The following PCDH7 variants were observed in gnomAD, a reference collection of about 807,000 sequenced individuals.
The protein encoded by PCDH7 is protocadherin-7.
Under a neutral mutation model 58.9 loss-of-function variants are expected in PCDH7, and 17 were observed. The ratio of observed to expected loss-of-function variants is 0.29; its 90% CI spans 0.20 to 0.43. The LOEUF (loss-of-function observed/expected upper bound fraction) is 0.43, where lower values mean the gene tolerates loss of function less well. Ranked by LOEUF, PCDH7 falls within the 20% of genes least tolerant of loss-of-function variation. The pLI, the probability that PCDH7 is intolerant of heterozygous loss-of-function variation, is 1.00. For synonymous variants in PCDH7, 664 were observed against 616.4 expected, an observed-to-expected ratio of 1.08 and a Z score of -1.14; for missense variants, 1,274 against 1,441.0, an observed-to-expected ratio of 0.88 and a Z score of 1.88.
At chr4:31,035,455 C>T (rs143849296) in intron 3 of PCDH7, among the ~76,000 whole-genome samples, 75 of 152,030 alleles carry the variant, frequency 4.9e-4, no homozygotes, top group African/African-American at 1.7e-3. Flanking sequence ...GGTTTCACCA[C>T]GTTGGCCAGG....
intron 3 of PCDH7, among the ~76,000 whole-genome samples, chr4:31,013,834 G>A (rs1433386439): frequency 6.6e-6 from 1 of 152,038 alleles, no homozygotes; most frequent in Non-Finnish European, 1.5e-5. Context: ...TTTAAAAAAT[G>A]TTCCTGTCAC....
intron 1 of PCDH7, among the ~76,000 whole-genome samples, chr4:30,819,212 G>C (rs1728052546): frequency 6.6e-6 from 1 of 152,090 alleles, no homozygotes; most frequent in South Asian, 2.1e-4. Context: ...TGTAAACAGT[G>C]TCTTTTAGGG....
intron 3 of PCDH7, among the ~76,000 whole-genome samples, chr4:30,999,744 A>C (rs1215564468): frequency 3.9e-5 from 6 of 152,130 alleles, no homozygotes; most frequent in Non-Finnish European, 8.8e-5. Flanking sequence ...AAATTTAGAG[A>C]GTGATTAGGT....
chr4:30,875,670 T>C (rs2109365824), intron 1 of PCDH7, among the ~76,000 whole-genome samples: 1 of 152,226 alleles, frequency 6.6e-6, no homozygotes, highest in South Asian at 2.1e-4. Context: ...TGGACTCACT[T>C]GGGTCATGTT....
chr4:30,856,581 A>G (rs1191795862), intron 1 of PCDH7, among the ~76,000 whole-genome samples: 2 of 152,148 alleles, frequency 1.3e-5, no homozygotes, highest in East Asian at 3.9e-4. Context: ...TTTATAAAAT[A>G]TAAAATCACA....
In PCDH7 at chr4:31,136,212, T is replaced by C. The variant is rs79184531; in HGVS notation, c.*8-6261T>C. Among the ~76,000 whole-genome samples the C allele has an allele frequency of 5.4e-3, 823 of 152,328 alleles. 18 individuals carry two copies. The highest frequency in any genetic ancestry group is 0.05 in the East Asian group (261 of 5,172). ...CCTCCTTAAATCTCTCCAGGGGCTA[T>C]GACCTACTATTTACTGAACACCTAC... is the stretch of plus-strand genomic sequence containing the variant. On this transcript the variant is annotated intron_variant, in intron 3 of 3. Transcript: ENST00000509759.
chr4:31,009,648 T>C (rs1753029598), intron 3 of PCDH7, among the ~76,000 whole-genome samples: 1 of 151,962 alleles, frequency 6.6e-6, no homozygotes, highest in Non-Finnish European at 1.5e-5. Context: ...TATCTATATA[T>C]ATTCATCATC....
intron 3 of PCDH7, among the ~76,000 whole-genome samples, chr4:31,074,777 T>C: frequency 2.7e-5 from 2 of 74,334 alleles, no homozygotes; most frequent in South Asian, 5.7e-4. Context: ...AGAGGGAGAT[T>C]CCGTCTCAAA....
At chr4:30,778,710 T>C (rs1271485615) in intron 1 of PCDH7, among the ~76,000 whole-genome samples, 1 of 152,188 alleles carries the variant, frequency 6.6e-6, no homozygotes, top group Non-Finnish European at 1.5e-5. Context: ...ATTAAAAGGA[T>C]ACCGGTGTAA....
intron 3 of PCDH7, among the ~76,000 whole-genome samples, chr4:31,107,381 G>A (rs970104815): frequency 2.0e-5 from 3 of 152,064 alleles, no homozygotes; most frequent in Admixed American, 6.5e-5. Context: ...ATACAAAATC[G>A]CTGAAGCAAT....
downstream of PCDH7, chr4:31,145,977 A>T (rs929902554): frequency 6.6e-6 from 1 of 152,130 alleles, no homozygotes; most frequent in Non-Finnish European, 1.5e-5. Context: ...ATTAGGACAC[A>T]TTTATAAATT....
chr4:30,855,950 G>A (rs771691767), intron 1 of PCDH7, among the ~76,000 whole-genome samples: 3 of 152,036 alleles, frequency 2.0e-5, no homozygotes, highest in East Asian at 1.9e-4. Context: ...AAGGGGCACC[G>A]TCTGGGTAAT....
At position 30,962,395 on chromosome 4, in the gene PCDH7, C is replaced by A. The variant is rs146460052; in HGVS notation, c.*7+12180C>A. 2.8e-3 allele frequency among the ~76,000 whole-genome samples: 421 copies of A among 152,208 alleles called. 2 individuals carry two copies. The highest frequency in any genetic ancestry group is 9.6e-3 in the African/African-American group (398 of 41,536). On this transcript the variant is annotated intron_variant, in intron 3 of 3. Coordinates refer to the PCDH7 transcript ENST00000509759. ...TGTAATACTTTTCCTAAATTTCTAACCTTTAAGTTATTTAAAGCCTATGTG... is the reference window on the plus strand; with the variant it reads ...TGTAATACTTTTCCTAAATTTCTAAACTTTAAGTTATTTAAAGCCTATGTG...
chr4:30,801,096 C>G (rs555996522), intron 1 of PCDH7, among the ~76,000 whole-genome samples: 1 of 152,170 alleles, frequency 6.6e-6, no homozygotes, highest in Non-Finnish European at 1.5e-5. Flanking sequence ...ACCTTGGAGA[C>G]AGATCAAGAA....
chr4:31,143,261 C>G (rs1000614872), downstream of PCDH7: 1 of 157,466 alleles, frequency 6.4e-6, no homozygotes, highest in South Asian at 1.8e-4. Flanking sequence ...TGATTTTGTT[C>G]GAGTGTCATC....
At chr4:30,763,034 G>A (rs571622421) in intron 1 of PCDH7, among the ~76,000 whole-genome samples, 223 of 152,250 alleles carry the variant, frequency 1.5e-3, no homozygotes, top group African/African-American at 5.3e-3. Context: ...CCTGAGGCCA[G>A]GAGTTCAAGA....
chr4:31,020,261 T>C (rs1040057416), intron 3 of PCDH7, among the ~76,000 whole-genome samples: 1 of 152,252 alleles, frequency 6.6e-6, no homozygotes, highest in Non-Finnish European at 1.5e-5. Flanking sequence ...AATTCTATCA[T>C]GCAGTGACTA....
At chr4:30,848,744 CCTT>C (rs1302617513) in intron 1 of PCDH7, among the ~76,000 whole-genome samples, 1 of 152,080 alleles carries the variant, frequency 6.6e-6, no homozygotes, top group Non-Finnish European at 1.5e-5. Flanking sequence ...ACTCTCCTCT[CCTT>C]CTAACATTTT....
chr4:30,854,075 C>A (rs1733132973), intron 1 of PCDH7, among the ~76,000 whole-genome samples: 1 of 151,556 alleles, frequency 6.6e-6, no homozygotes, highest in African/African-American at 2.4e-5. Flanking sequence ...GAAAGGAAAA[C>A]CATTATTAAC....
Sources: allele counts gnomAD v4.1 joint callset (sites outside exome capture counted in the v4.1 genomes callset), GRCh38; gene constraint gnomAD v4.1.1; transcripts MANE v1.5; gene names NCBI Gene and HGNC (gene_info 2026-07-23, HGNC 2026-07-21).